ESRRG: variants seen among roughly 807,000 people sequenced by gnomAD.
ESRRG encodes estrogen related receptor gamma.
In ESRRG, 13 loss-of-function variants were observed where a neutral mutation model predicts 44.0. That is an observed-to-expected ratio of 0.30 (90% confidence interval 0.19 to 0.47). The LOEUF (loss-of-function observed/expected upper bound fraction) is 0.47. Among genes scored for constraint, ESRRG ranks in the 20% least tolerant of loss-of-function variants. The pLI, the probability that ESRRG is intolerant of heterozygous loss-of-function variation, is 1.00. For missense variants in ESRRG, 395 were observed against 580.6 expected (o/e 0.68, Z 3.29); for synonymous variants, 215 against 214.6 (o/e 1.00, Z -0.02).
At chr1:216,756,909 A>G (rs1420279028) in intron 2 of ESRRG, among the ~76,000 whole-genome samples, 1 of 152,074 alleles carries the variant, frequency 6.6e-6, no homozygotes, top group Admixed American at 6.6e-5. Context: ...ACTGAAAAAC[A>G]TTATCACAAA....
chr1:216,721,438 C>T (rs2086253994), intron 1 of ESRRG, among the ~76,000 whole-genome samples: 1 of 152,194 alleles, frequency 6.6e-6, no homozygotes, highest in Non-Finnish European at 1.5e-5. Context: ...GTCCAGTGAA[C>T]CACGTAACCA....
chr1:216,819,994 G>A (rs1209928359), intron 2 of ESRRG, among the ~76,000 whole-genome samples: 2 of 152,178 alleles, frequency 1.3e-5, no homozygotes, highest in Non-Finnish European at 2.9e-5. Flanking sequence ...AGGGGCATAT[G>A]GCAGAGGAGA....
intron 1 of ESRRG, among the ~76,000 whole-genome samples, chr1:216,709,129 A>G (rs1396139944): frequency 1.3e-5 from 2 of 152,220 alleles, no homozygotes; most frequent in East Asian, 1.9e-4. Flanking sequence ...ACGGGTTGAT[A>G]GGTGCAGCAA....
intron 3 of ESRRG, among the ~76,000 whole-genome samples, chr1:216,607,264 A>C (rs555271388): frequency 2.6e-5 from 4 of 152,310 alleles, no homozygotes; most frequent in South Asian, 4.1e-4. Context: ...ATGGAGTTAG[A>C]TGTGGAAAAA....
chr1:216,698,494 G>C (rs1233050232), intron 1 of ESRRG, among the ~76,000 whole-genome samples: 2 of 148,370 alleles, frequency 1.3e-5, no homozygotes, highest in Non-Finnish European at 3.0e-5. Flanking sequence ...ACTCCAGCCT[G>C]GGCGACTGAG....
rs5780916 is a variant in ESRRG at position 216,735,979 on chromosome 1, C to CAAAAAAAAA, written c.-13-58497_-13-58489dup. On this transcript the variant is annotated intron_variant, in intron 2 of 7. Coordinates refer to the ESRRG transcript ENST00000359162. Reference sequence around the variant, plus strand: ...GGCGACAGAGCAATACTCCCCATCTCAAAAAAAAATATATATATATATATA... The same window carrying CAAAAAAAAA: ...GGCGACAGAGCAATACTCCCCATCTCAAAAAAAAAAAAAAAAAATATATATATATATATA... 2.8e-3 allele frequency among the ~76,000 whole-genome samples: 327 copies of CAAAAAAAAA among 115,464 alleles called. 10 individuals carry two copies. The East Asian group carries it at 0.05, about 18-fold the overall frequency. The allele number at this position is 115,464 out of a possible 152,430, so 75.7% of individuals were successfully genotyped here. A position where few individuals can be genotyped will look rare whatever the true frequency, so the allele number is the denominator to read the frequency against.
intron 1 of ESRRG, among the ~76,000 whole-genome samples, chr1:217,042,473 A>AACACACACACACACAC (rs140559927): frequency 5.8e-5 from 8 of 139,072 alleles, no homozygotes; most frequent in South Asian, 4.9e-4. Flanking sequence ...TACACACACA[A>AACACACACACACACAC]ACACACACAC....
chr1:216,510,475 C>T (rs1195611347), intron 6 of ESRRG, among the ~76,000 whole-genome samples: 2 of 152,126 alleles, frequency 1.3e-5, no homozygotes, highest in African/African-American at 4.8e-5. Flanking sequence ...GGGAAGATAG[C>T]TAAATATCAT....
chr1:216,970,380 A>G (rs2071394797), intron 1 of ESRRG, among the ~76,000 whole-genome samples: 1 of 152,246 alleles, frequency 6.6e-6, no homozygotes, highest in Non-Finnish European at 1.5e-5. Flanking sequence ...ATCATGCTTC[A>G]GTAAAAAGCT....
At chr1:216,900,044 AAC>A (rs2058881948) in intron 2 of ESRRG, among the ~76,000 whole-genome samples, 1 of 152,144 alleles carries the variant, frequency 6.6e-6, no homozygotes, top group African/African-American at 2.4e-5. Context: ...TTGTAAATTC[AAC>A]AGTTTTGTCG....
At chr1:216,976,798 T>C (rs187496939) in intron 1 of ESRRG, among the ~76,000 whole-genome samples, 229 of 152,294 alleles carry the variant, frequency 1.5e-3, no homozygotes, top group African/African-American at 5.3e-3. Context: ...TTCCTCCTTA[T>C]TACTCTTACG....
intron 2 of ESRRG, among the ~76,000 whole-genome samples, chr1:216,869,398 G>A (rs1449001641): frequency 6.6e-6 from 1 of 152,080 alleles, no homozygotes; most frequent in Non-Finnish European, 1.5e-5. Flanking sequence ...GATTCTTGTT[G>A]AGGTCTATTG....
intron 2 of ESRRG, among the ~76,000 whole-genome samples, chr1:216,764,572 G>A (rs538814851): frequency 6.6e-6 from 1 of 151,632 alleles, no homozygotes; most frequent in Admixed American, 6.6e-5. Flanking sequence ...CCCGGCCCAG[G>A]GGGGGACTCT....
intron 5 of ESRRG, among the ~76,000 whole-genome samples, chr1:216,547,111 A>G (rs2054751328): frequency 6.6e-6 from 1 of 151,974 alleles, no homozygotes; most frequent in African/African-American, 2.4e-5. Context: ...GACTTCGTTA[A>G]ACTTCAATTT....
intron 3 of ESRRG, among the ~76,000 whole-genome samples, chr1:216,635,666 TA>T (rs2065148482): frequency 6.6e-6 from 1 of 152,166 alleles, no homozygotes; most frequent in South Asian, 2.1e-4. Flanking sequence ...GGGGTCTCTG[TA>T]ATTCTGGCAG....
At chr1:216,617,058 C>T (rs543857293) in intron 3 of ESRRG, among the ~76,000 whole-genome samples, 20 of 152,236 alleles carry the variant, frequency 1.3e-4, no homozygotes, top group African/African-American at 4.8e-4. Context: ...TAATATAAAA[C>T]TCATCCAATC....
chr1:216,840,264 A>G (rs1160653379), intron 2 of ESRRG, among the ~76,000 whole-genome samples: 2 of 152,170 alleles, frequency 1.3e-5, no homozygotes, highest in African/African-American at 4.8e-5. Flanking sequence ...TGTTACAGTG[A>G]TGGCTTATTT....
At chr1:216,559,022 A>G (rs1432555363) in intron 5 of ESRRG, among the ~76,000 whole-genome samples, 1 of 150,110 alleles carries the variant, frequency 6.7e-6, no homozygotes, top group Non-Finnish European at 1.5e-5. Context: ...GGCACACACC[A>G]CCACATCCAG....
At chr1:216,550,419 T>C (rs1174773246) in intron 5 of ESRRG, among the ~76,000 whole-genome samples, 2 of 152,114 alleles carry the variant, frequency 1.3e-5, no homozygotes, top group Non-Finnish European at 2.9e-5. Context: ...GCAAATGTAA[T>C]CAAACTAATA....
Sources: gnomAD v4.1 joint callset for allele counts (sites outside exome capture counted in the v4.1 genomes callset) on GRCh38, gnomAD v4.1.1 for gene constraint, MANE v1.5 for transcripts, NCBI Gene and HGNC (gene_info 2026-07-23, HGNC 2026-07-21) for gene names.